The following CCDC150 variants were observed in gnomAD, a reference collection of about 807,000 sequenced individuals.
CCDC150 encodes the protein coiled-coil domain-containing protein 150.
In CCDC150, 151 loss-of-function variants were observed where a neutral mutation model predicts 156.5. The observed-to-expected ratio is 0.97, with a 90% CI of 0.85 to 1.10. The LOEUF is 1.10. Among genes scored for constraint, CCDC150 ranks in the 50% least tolerant of loss-of-function variants. The probability of loss-of-function intolerance (pLI) is 0.00; values close to 1 mark genes in which losing one functional copy is unlikely to be tolerated. For missense variants in CCDC150, 1,312 were observed against 1,268.1 expected (o/e 1.03, Z -0.53); for synonymous variants, 452 against 429.4 (o/e 1.05, Z -0.65).
At chr2:196,702,509 A>G (rs1313676046) in intron 15 of CCDC150, among the ~76,000 whole-genome samples, 12 of 151,938 alleles carry the variant, frequency 7.9e-5, no homozygotes, top group Admixed American at 6.6e-5. Flanking sequence ...TCAGGTGTGC[A>G]GCACCATACC....
chr2:196,679,321 C>CT (rs1369891690), intron 13 of CCDC150, among the ~76,000 whole-genome samples: 1 of 152,070 alleles, frequency 6.6e-6, no homozygotes, highest in Non-Finnish European at 1.5e-5. Flanking sequence ...TAATCAATGC[C>CT]TTCTTCCACC....
chr2:196,640,967 TTC>T (rs1692186676), intron 1 of CCDC150, among the ~76,000 whole-genome samples: 1 of 102,890 alleles, frequency 9.7e-6, no homozygotes, highest in African/African-American at 3.1e-5. Flanking sequence ...GCTCTGTGTA[TTC>T]TGTTTTTTGT....
At chr2:196,695,691 A>G (rs1695776855) in intron 14 of CCDC150, among the ~76,000 whole-genome samples, 1 of 152,016 alleles carries the variant, frequency 6.6e-6, no homozygotes, top group East Asian at 1.9e-4. Context: ...AAAATAGAAA[A>G]AATTAGCCGG....
rs1695283046 is a variant in CCDC150, at chr2:196,689,077, G to A, written c.1510-5969G>A. On this transcript the variant is annotated intron_variant, in intron 13 of 27. Transcript: ENST00000389175. The stretch of plus-strand genomic sequence containing the variant: ...TGTAGATATGCGGCGTTATTTCTGA[G>A]GGCTCTGTTCTGTTCCATTGATCTA... Among the ~76,000 whole-genome samples the A allele has an allele frequency of 5.9e-5, 9 of 152,190 alleles. No homozygotes were observed. In the South Asian group the frequency reaches 1.9e-3, roughly 32 times the overall value.
At chr2:196,669,699 A>G (rs1575795742) in intron 7 of CCDC150, 134 bp from the exon 8 acceptor site, 2 of 625,814 alleles carry the variant, frequency 3.2e-6, no homozygotes, top group East Asian at 5.7e-5. Flanking sequence ...TCTAGTCTAT[A>G]AAAATATTAT....
intron 15 of CCDC150, among the ~76,000 whole-genome samples, chr2:196,702,314 T>G (rs1696267209): frequency 6.6e-6 from 1 of 150,418 alleles, no homozygotes; most frequent in Non-Finnish European, 1.5e-5. Context: ...TAAATCAAAA[T>G]CTCAGGGGAT....
intron 9 of CCDC150, among the ~76,000 whole-genome samples, chr2:196,673,288 GAGA>G (rs1694314891): frequency 6.6e-6 from 1 of 152,174 alleles, no homozygotes; most frequent in East Asian, 1.9e-4. Flanking sequence ...CTGATGTACA[GAGA>G]AGTTCAGGAA....
intron 15 of CCDC150, among the ~76,000 whole-genome samples, chr2:196,706,942 T>C (rs1696693283): frequency 6.6e-6 from 1 of 152,164 alleles, no homozygotes; most frequent in Non-Finnish European, 1.5e-5. Context: ...TTCACATCAA[T>C]GTTCATCAGG....
intron 13 of CCDC150, among the ~76,000 whole-genome samples, chr2:196,693,553 T>G (rs1695616453): frequency 6.6e-6 from 1 of 152,194 alleles, no homozygotes; most frequent in Non-Finnish European, 1.5e-5. Flanking sequence ...TGGAGGTTCT[T>G]CGGGATTTCC....
intron 17 of CCDC150, chr2:196,713,478 T>C (rs761177793): frequency 7.1e-6 from 11 of 1,550,818 alleles, no homozygotes; most frequent in South Asian, 2.4e-5. Context: ...CCTAGTGTTA[T>C]TCCAAACTCT....
rs1393390104 is a variant in CCDC150, at chr2:196,730,105, A to C, written c.2969A>C (p.Glu990Ala). The change falls in exon 25 of 28, where the codon GAG becomes GCG. Residue 990 changes from glutamate to alanine, a missense_variant. Glu to Ala is a moderately radical substitution (Grantham distance 107, BLOSUM62 -1). Transcript: ENST00000389175. Reference sequence around the variant, plus strand: ...GAGCGGAAAATAAGGCAGGAGCTAGAGAATCGGTGCCAGGTAAAAGGTTTC... The same window carrying C: ...GAGCGGAAAATAAGGCAGGAGCTAGCGAATCGGTGCCAGGTAAAAGGTTTC... ...EAERKIRQEL[E>A]NRCQELEETV... 1.2e-6 allele frequency: 2 copies of C among 1,605,728 alleles called. No homozygotes were observed. Among genetic ancestry groups the C allele is most frequent in the African/African-American group, 1.3e-5 (1 of 74,552 alleles).
intron 17 of CCDC150, among the ~76,000 whole-genome samples, chr2:196,716,846 C>CTTTTTTTT (rs775962426): frequency 2.7e-5 from 2 of 74,370 alleles, no homozygotes; most frequent in African/African-American, 5.6e-5. Flanking sequence ...AAATAACATT[C>CTTTTTTTT]TTTTTTTTTT....
rs190582251 is a variant in CCDC150 at position 196,664,682 on chromosome 2, A to T, written c.646-885A>T. Among the ~76,000 whole-genome samples the T allele has an allele frequency of 7.9e-5, 12 of 152,166 alleles. No individual in the cohort carries two copies. The East Asian group carries it at 2.1e-3, about 27-fold the overall frequency. On this transcript the variant is annotated intron_variant, in intron 5 of 27. Transcript: ENST00000389175. ...CTTTCAGCCCTTCTCCCCTCGTTAG[A>T]GGTTGAGAGGAGGGGCTAGAAGTCC...
chr2:196,654,278 A>G (rs150160976), intron 2 of CCDC150, among the ~76,000 whole-genome samples: 23 of 151,976 alleles, frequency 1.5e-4, no homozygotes, highest in Non-Finnish European at 2.2e-4. Flanking sequence ...CTGGATTTCT[A>G]TGTCCTTCCC....
At position 196,726,077 on chromosome 2, in the gene CCDC150, T is replaced by G. The variant is rs374181009; in HGVS notation, c.2534T>G (p.Val845Gly). The change falls in exon 22 of 28, where the codon GTG becomes GGG. Residue 845 changes from valine to glycine, a missense_variant. Physicochemically the swap from Val to Gly is moderately radical, Grantham distance 109. Coordinates refer to ENST00000389175, the MANE Select transcript of CCDC150 (RefSeq NM_001080539.2). ...ACCGAGAGAGAAACTACAAAGAAAG[T>G]GGCACAACGGGAAGTGGCTGAGGTA... Reference protein sequence around the residue: ...FQTERETTKKVAQREVAELKK... With the variant: ...FQTERETTKKGAQREVAELKK... 1.6e-5 allele frequency: 26 copies of G among 1,613,218 alleles called. No individual in the cohort carries two copies. Among genetic ancestry groups the G allele is most frequent in the Non-Finnish European group, 2.1e-5 (25 of 1,179,546 alleles).
chr2:196,639,850 G>A (rs1692102786), intron 1 of CCDC150, 72 bp downstream of exon 1: 3 of 1,353,490 alleles, frequency 2.2e-6, no homozygotes, highest in Non-Finnish European at 3.0e-6. Flanking sequence ...GATAAGGACA[G>A]TCACCACTCC....
chr2:196,719,218 G>T, intron 18 of CCDC150: 1 of 234,552 alleles, frequency 4.3e-6, no homozygotes, highest in Non-Finnish European at 8.1e-6. Flanking sequence ...GACGCAGGTT[G>T]TGCTGAGTCA....
At chr2:196,669,737 A>C (rs369445030) in intron 7 of CCDC150, 96 bp from the exon 8 acceptor site, 2 of 855,984 alleles carry the variant, frequency 2.3e-6, no homozygotes, top group African/African-American at 3.4e-5. Flanking sequence ...CCTTATCTCT[A>C]CAAAAAATAG....
chr2:196,666,880 TGTTA>T, intron 7 of CCDC150, 32 bp downstream of exon 7: 1 of 1,612,560 alleles, frequency 6.2e-7, no homozygotes, highest in Non-Finnish European at 8.5e-7. Context: ...ATCACCCTCT[TGTTA>T]GTTTTTGGAG....
Sources: gnomAD v4.1 joint callset for allele counts (sites outside exome capture counted in the v4.1 genomes callset) on GRCh38, gnomAD v4.1.1 for gene constraint, MANE v1.5 for transcripts, NCBI Gene and HGNC (gene_info 2026-07-23, HGNC 2026-07-21) for gene names.